The following CERKL variants were observed in gnomAD, a reference collection of about 807,000 sequenced individuals.
The protein encoded by CERKL is ceramide kinase-like protein.
Under a neutral mutation model 63.4 loss-of-function variants are expected in CERKL, and 61 were observed. The ratio of observed to expected loss-of-function variants is 0.96; its 90% CI spans 0.78 to 1.19. CERKL has a LOEUF of 1.19. Among genes scored for constraint, CERKL ranks in the 50% most tolerant of loss-of-function variants. The probability of loss-of-function intolerance (pLI) is 0.00; values close to 1 mark genes in which losing one functional copy is unlikely to be tolerated. For synonymous variants in CERKL, 250 were observed against 230.5 expected (o/e 1.08, Z -0.77); for missense variants, 675 against 655.5 (o/e 1.03, Z -0.33).
intron 1 of CERKL, among the ~76,000 whole-genome samples, chr2:181,609,306 C>T (rs1331366269): frequency 7.2e-6 from 1 of 138,436 alleles, no homozygotes; most frequent in Non-Finnish European, 1.5e-5. Context: ...TCAAAATCTC[C>T]GTGGTATTTT....
At chr2:181,616,206 AT>A (rs35040208) in intron 1 of CERKL, among the ~76,000 whole-genome samples, 51,421 of 109,814 alleles carry the variant, frequency 0.47, 12,357 homozygotes, top group East Asian at 0.76. Context: ...AAAAATCTAA[AT>A]TTTTTTTTTT....
intron 4 of CERKL, among the ~76,000 whole-genome samples, chr2:181,560,769 T>A (rs1419896914): frequency 2.0e-5 from 3 of 152,138 alleles, no homozygotes; most frequent in Non-Finnish European, 2.9e-5. Context: ...TTTCTATATA[T>A]GAAACCTAAT....
At chr2:181,615,362 C>G (rs527621946) in intron 1 of CERKL, among the ~76,000 whole-genome samples, 1 of 152,318 alleles carries the variant, frequency 6.6e-6, no homozygotes, top group East Asian at 1.9e-4. Context: ...AATAGAACAG[C>G]GAATGGCACT....
At chr2:181,591,524 C>T (rs1441859073) in intron 2 of CERKL, among the ~76,000 whole-genome samples, 1 of 151,888 alleles carries the variant, frequency 6.6e-6, no homozygotes. Context: ...AGTCTAGGGG[C>T]CAAAAAAAGA....
At chr2:181,539,648 G>A (rs148962170) in intron 11 of CERKL, among the ~76,000 whole-genome samples, 25 of 152,250 alleles carry the variant, frequency 1.6e-4, no homozygotes, top group African/African-American at 4.8e-4. Context: ...ACTAGTACAA[G>A]TTTCACACTT....
intron 1 of CERKL, among the ~76,000 whole-genome samples, chr2:181,639,546 G>A (rs1040205452): frequency 6.6e-6 from 1 of 152,180 alleles, no homozygotes; most frequent in African/African-American, 2.4e-5. Flanking sequence ...TGATGGAACT[G>A]TCTTAAAAGC....
Position 181,650,552 on chromosome 2 carries a change from A to G in CERKL, c.238+6217T>C, listed in dbSNP as rs1206673905. Among the ~76,000 whole-genome samples the G allele has an allele frequency of 2.0e-5, 3 of 152,162 alleles. No homozygotes were observed. In the East Asian group the frequency reaches 5.8e-4, roughly 29 times the overall value. On this transcript the variant is annotated intron_variant, in intron 1 of 12. Coordinates refer to ENST00000410087, the MANE Select transcript of CERKL (RefSeq NM_201548.5). ...GGCAGGCAGAACACCTGAGGTCGGG[A>G]GTTCGAGACCAGCCTGACCAACATG...
rs965228305 is a variant in CERKL at position 181,621,828 on chromosome 2, C to A, written c.239-17749G>T. ...CTTCTCCTCTGTGCTGTAATACTGT[C>A]AGTTTTTTTTTAGAAAGATAAATTT... On this transcript the variant is annotated intron_variant, in intron 1 of 12. Coordinates refer to ENST00000410087, the MANE Select transcript of CERKL (RefSeq NM_201548.5). Among the ~76,000 whole-genome samples, 20 of 152,082 alleles carry A rather than the reference C, an allele frequency of 1.3e-4. 1 individual carries two copies. The highest frequency in any genetic ancestry group is 4.8e-4 in the African/African-American group (20 of 41,400).
intron 4 of CERKL, among the ~76,000 whole-genome samples, chr2:181,564,620 A>G (rs569053590): frequency 1.4e-4 from 22 of 152,308 alleles, no homozygotes; most frequent in African/African-American, 5.1e-4. Flanking sequence ...AAATACCAGT[A>G]AAACATATTG....
At chr2:181,596,765 C>T (rs1685228140) in intron 2 of CERKL, among the ~76,000 whole-genome samples, 1 of 152,110 alleles carries the variant, frequency 6.6e-6, no homozygotes, top group Non-Finnish European at 1.5e-5. Flanking sequence ...TCTTGGCTGT[C>T]CATGGTACTT....
At position 181,558,490 on chromosome 2, in the gene CERKL, T is replaced by C; in HGVS notation, c.820+76A>G. On this transcript the variant is annotated intron_variant, in intron 5 of 12. Coordinates refer to ENST00000410087, the MANE Select transcript of CERKL (RefSeq NM_201548.5). This position sits in a 1 kb window ranked among gnomAD's most constrained non-coding sequence, Gnocchi z 4.2. Reference sequence around the variant, plus strand: ...AAGTCTGTTCATTAATTCTGTGTTGTGCTGTCTAGATTAGCAAGTAAGAAA... The same window carrying C: ...AAGTCTGTTCATTAATTCTGTGTTGCGCTGTCTAGATTAGCAAGTAAGAAA... The C allele has an allele frequency of 6.8e-7, 1 of 1,468,138 alleles. No homozygotes were observed. The highest frequency in any genetic ancestry group is 9.5e-7 in the Non-Finnish European group (1 of 1,054,494). The allele number at this position is 1,468,138 out of a possible 1,614,324, so 90.9% of individuals were successfully genotyped here.
intron 1 of CERKL, among the ~76,000 whole-genome samples, chr2:181,650,817 A>G (rs1308654345): frequency 6.6e-6 from 1 of 152,206 alleles, no homozygotes; most frequent in Non-Finnish European, 1.5e-5. Context: ...AAGTTGGTAG[A>G]AGTAAGGAAG....
intron 3 of CERKL, among the ~76,000 whole-genome samples, chr2:181,573,125 C>G (rs185320416): frequency 1.2e-3 from 179 of 152,118 alleles, no homozygotes; most frequent in African/African-American, 4.1e-3. Flanking sequence ...GAAAATAAGT[C>G]TCAAAGAAAC....
intron 1 of CERKL, chr2:181,650,147 AAG>A (rs1687859720): frequency 7.0e-6 from 1 of 142,878 alleles, no homozygotes; most frequent in Non-Finnish European, 1.5e-5. Context: ...GGAAGGAAGG[AAG>A]GAAGGAAGGA....
chr2:181,571,688 A>T (rs1222294918), intron 3 of CERKL, among the ~76,000 whole-genome samples: 1 of 152,080 alleles, frequency 6.6e-6, no homozygotes, highest in African/African-American at 2.4e-5. Context: ...CATTGTTGAG[A>T]GCCTTCCTAG....
At position 181,648,030 on chromosome 2, in the gene CERKL, T is replaced by G. The variant is rs139798220; in HGVS notation, c.238+8739A>C. ...TAGGTTTTGTGAAATAACCCAAAGT[T>G]TAAAAAAAACTAAGCAAAGAAATTT... On this transcript the variant is annotated intron_variant, in intron 1 of 12. Coordinates refer to ENST00000410087, the MANE Select transcript of CERKL (RefSeq NM_201548.5). Among the ~76,000 whole-genome samples the G allele has an allele frequency of 9.2e-5, 14 of 151,966 alleles. No homozygotes were observed. The East Asian group carries it at 2.5e-3, about 27-fold the overall frequency.
intron 2 of CERKL, among the ~76,000 whole-genome samples, chr2:181,576,640 T>C (rs948053685): frequency 3.9e-5 from 6 of 152,198 alleles, no homozygotes; most frequent in African/African-American, 1.4e-4. Flanking sequence ...AGAAACACTC[T>C]GGCTGCTTTG....
intron 3 of CERKL, among the ~76,000 whole-genome samples, chr2:181,569,670 A>G (rs1688816749): frequency 6.6e-6 from 1 of 152,194 alleles, no homozygotes; most frequent in South Asian, 2.1e-4. Context: ...TATGATAATG[A>G]TAATGACCAT....
At chr2:181,582,126 G>A (rs1684539576) in intron 2 of CERKL, among the ~76,000 whole-genome samples, 2 of 152,114 alleles carry the variant, frequency 1.3e-5, no homozygotes, top group Admixed American at 6.5e-5. Context: ...CTGAACCACT[G>A]TCCATACACT....
Sources: allele counts gnomAD v4.1 joint callset (sites outside exome capture counted in the v4.1 genomes callset), GRCh38; gene constraint gnomAD v4.1.1; non-coding constraint Gnocchi (gnomAD v3.1); transcripts MANE v1.5; gene names NCBI Gene and HGNC (gene_info 2026-07-23, HGNC 2026-07-21).